PTPRD: variants seen among roughly 807,000 people sequenced by gnomAD.
PTPRD encodes the protein receptor-type tyrosine-protein phosphatase delta.
PTPRD carries 34 observed loss-of-function variants against 214.5 expected under a neutral mutation model. The observed-to-expected ratio is 0.16, with a 90% CI of 0.12 to 0.21. The LOEUF (loss-of-function observed/expected upper bound fraction) is 0.21, where lower values mean the gene tolerates loss of function less well. PTPRD is among the 10% of genes least tolerant of loss of function. The pLI, the probability that PTPRD is intolerant of heterozygous loss-of-function variation, is 1.00. For missense variants in PTPRD, 2,545 were observed against 2,398.7 expected (o/e 1.06, Z -1.27); for synonymous variants, 1,128 against 845.7 (o/e 1.33, Z -5.79).
At chr9:9,316,735 C>T (rs557618256) in intron 9 of PTPRD, among the ~76,000 whole-genome samples, 6 of 152,192 alleles carry the variant, frequency 3.9e-5, no homozygotes, top group South Asian at 2.1e-4. Context: ...CATAAAATAA[C>T]GATACATGAA....
chr9:8,642,011 C>A (rs1007248357), intron 12 of PTPRD, among the ~76,000 whole-genome samples: 2 of 152,142 alleles, frequency 1.3e-5, no homozygotes, highest in Non-Finnish European at 2.9e-5. Flanking sequence ...CAAAATCCTC[C>A]CTTTCGTACA....
At chr9:9,961,353 T>A (rs62536922) in intron 4 of PTPRD, among the ~76,000 whole-genome samples, 6,055 of 152,210 alleles carry the variant, frequency 0.04, 148 homozygotes, top group Non-Finnish European at 0.058. Flanking sequence ...AGGCAATGTA[T>A]TTGCTGAAAC....
chr9:9,359,226 A>C (rs567837697), intron 9 of PTPRD, among the ~76,000 whole-genome samples: 1 of 151,434 alleles, frequency 6.6e-6, no homozygotes, highest in African/African-American at 2.4e-5. Flanking sequence ...CTTTTTAAAA[A>C]GAGAGGTCTA....
At chr9:8,494,694 C>T (rs1468898247) in intron 26 of PTPRD, among the ~76,000 whole-genome samples, 1 of 152,206 alleles carries the variant, frequency 6.6e-6, no homozygotes, top group South Asian at 2.1e-4. Context: ...GTTAACCACA[C>T]ATATCCATTA....
chr9:9,489,376 T>C (rs1264941975), intron 8 of PTPRD, among the ~76,000 whole-genome samples: 2 of 151,914 alleles, frequency 1.3e-5, no homozygotes, highest in East Asian at 1.9e-4. Flanking sequence ...CCACAAGACA[T>C]ACAAAGAGAG....
intron 2 of PTPRD, among the ~76,000 whole-genome samples, chr9:10,429,149 A>G (rs1414293021): frequency 2.6e-5 from 4 of 152,052 alleles, no homozygotes; most frequent in Non-Finnish European, 4.4e-5. Flanking sequence ...ATTTGTATCA[A>G]TAAAAATAAT....
At chr9:9,509,682 T>C (rs1438159260) in intron 8 of PTPRD, among the ~76,000 whole-genome samples, 1 of 151,684 alleles carries the variant, frequency 6.6e-6, no homozygotes, top group Non-Finnish European at 1.5e-5. Context: ...CCGTATTCCT[T>C]GGCTATCTTC....
At chr9:10,496,516 G>A (rs768881061) in intron 2 of PTPRD, among the ~76,000 whole-genome samples, 1 of 151,900 alleles carries the variant, frequency 6.6e-6, no homozygotes, top group Non-Finnish European at 1.5e-5. Flanking sequence ...TTTAAGTTCT[G>A]TGAGAAATCT....
At chr9:10,592,660 C>G (rs945220215) in intron 2 of PTPRD, among the ~76,000 whole-genome samples, 1 of 151,886 alleles carries the variant, frequency 6.6e-6, no homozygotes, top group African/African-American at 2.4e-5. Context: ...CACTCTGTAG[C>G]TAGCAAGGGT....
intron 11 of PTPRD, among the ~76,000 whole-genome samples, chr9:8,821,134 C>G (rs945202274): frequency 7.9e-5 from 12 of 152,158 alleles, no homozygotes; most frequent in African/African-American, 2.9e-4. Flanking sequence ...CCCTCTGCTC[C>G]TCTTGATAGG....
chr9:8,605,085 C>T (rs904630447), intron 14 of PTPRD, among the ~76,000 whole-genome samples: 3 of 152,198 alleles, frequency 2.0e-5, no homozygotes, highest in Admixed American at 6.5e-5. Flanking sequence ...GCCTATCAAA[C>T]TGTGCAACTG....
At chr9:8,865,221 C>T (rs894290179) in intron 11 of PTPRD, among the ~76,000 whole-genome samples, 1 of 152,106 alleles carries the variant, frequency 6.6e-6, no homozygotes, top group Non-Finnish European at 1.5e-5. Flanking sequence ...TTTTTCAGTA[C>T]AGGAGGCAGC....
chr9:9,603,076 G>C (rs549454892), intron 7 of PTPRD, among the ~76,000 whole-genome samples: 2 of 152,110 alleles, frequency 1.3e-5, no homozygotes, highest in Admixed American at 1.3e-4. Context: ...ATCTGTGAAC[G>C]TAATGATTAG....
At chr9:9,355,254 A>T (rs1490596593) in intron 9 of PTPRD, among the ~76,000 whole-genome samples, 1 of 151,672 alleles carries the variant, frequency 6.6e-6, no homozygotes, top group Admixed American at 6.6e-5. Flanking sequence ...AAATAATTAT[A>T]TATTATCAAC....
intron 2 of PTPRD, among the ~76,000 whole-genome samples, chr9:10,551,732 G>A (rs1205976994): frequency 6.6e-6 from 1 of 152,124 alleles, no homozygotes; most frequent in Non-Finnish European, 1.5e-5. Context: ...TACCTTGAAT[G>A]AACTAAGACA....
chr9:8,691,232 AG>A lies in PTPRD; in HGVS notation c.64+42547del, dbSNP rs1382073854. 5.2e-4 allele frequency among the ~76,000 whole-genome samples: 79 copies of A among 152,236 alleles called. 1 individual carries two copies. The highest frequency in any genetic ancestry group is 1.9e-3 in the African/African-American group (77 of 41,530). ...GACCTAAGGGAGAAGAGAAAAAAAA[AG>A]AAATGACATTTTGATTAAAGAGGTC... On this transcript the variant is annotated intron_variant, in intron 12 of 45. Transcript: ENST00000381196.
intron 9 of PTPRD, among the ~76,000 whole-genome samples, chr9:9,370,104 C>G (rs369266868): frequency 6.6e-4 from 100 of 151,830 alleles, no homozygotes; most frequent in African/African-American, 8.9e-4. Context: ...GCTCTTTTTT[C>G]GTTCCATATG....
At chr9:9,342,500 T>A (rs1446561560) in intron 9 of PTPRD, among the ~76,000 whole-genome samples, 12 of 152,128 alleles carry the variant, frequency 7.9e-5, no homozygotes. Flanking sequence ...TGCTTTCTAA[T>A]ATGGTCAAAG....
intron 3 of PTPRD, among the ~76,000 whole-genome samples, chr9:10,310,251 A>G (rs1011999032): frequency 1.3e-5 from 2 of 152,130 alleles, no homozygotes; most frequent in African/African-American, 4.8e-5. Flanking sequence ...TGTAGCATTT[A>G]AGAGAAAAGC....
Sources: allele counts gnomAD v4.1 joint callset (sites outside exome capture counted in the v4.1 genomes callset), GRCh38; gene constraint gnomAD v4.1.1; transcripts MANE v1.5; gene names NCBI Gene and HGNC (gene_info 2026-07-23, HGNC 2026-07-21).